Variants in MAPK4 observed in about 807,000 individuals in gnomAD.
MAPK4 encodes Erk3-related.
MAPK4 carries 22 observed loss-of-function variants against 47.7 expected under a neutral mutation model. The ratio of observed to expected loss-of-function variants is 0.46; its 90% confidence interval spans 0.33 to 0.66. The LOEUF (loss-of-function observed/expected upper bound fraction) is 0.66, where lower values mean the gene tolerates loss of function less well. MAPK4 is among the 30% of genes least tolerant of loss of function. The pLI, the probability that MAPK4 is intolerant of heterozygous loss-of-function variation, is 0.02. For missense variants in MAPK4, 736 were observed against 831.7 expected (o/e 0.88, Z 1.42); for synonymous variants, 390 against 365.7 (o/e 1.07, Z -0.76).
chr18:50,633,699 G>A (rs966453457), intron 1 of MAPK4, among the ~76,000 whole-genome samples: 2 of 152,146 alleles, frequency 1.3e-5, no homozygotes, highest in African/African-American at 2.4e-5. Context: ...CTAAACTCCC[G>A]AAATCTTACT....
chr18:50,648,386 G>T (rs1242633067), intron 1 of MAPK4, among the ~76,000 whole-genome samples: 1 of 152,158 alleles, frequency 6.6e-6, no homozygotes, highest in African/African-American at 2.4e-5. Context: ...AGGCATGACC[G>T]TGGGGGCTGT....
intron 2 of MAPK4, among the ~76,000 whole-genome samples, chr18:50,668,718 G>T (rs1001904797): frequency 5.3e-5 from 8 of 152,182 alleles, no homozygotes; most frequent in African/African-American, 1.9e-4. Context: ...TGCTCATGTA[G>T]TTTATCCCTA....
intron 1 of MAPK4, among the ~76,000 whole-genome samples, chr18:50,582,447 T>C (rs1464086626): frequency 1.3e-5 from 2 of 152,192 alleles, no homozygotes; most frequent in Non-Finnish European, 2.9e-5. Context: ...ATCACAGAGA[T>C]GTTATGGTTG....
At chr18:50,581,793 G>A (rs1203218823) in intron 1 of MAPK4, among the ~76,000 whole-genome samples, 2 of 152,238 alleles carry the variant, frequency 1.3e-5, no homozygotes, top group African/African-American at 4.8e-5. Context: ...ACAGTTACTG[G>A]GATACGTGAC....
Position 50,620,551 on chromosome 18 carries a change from G to A in MAPK4, c.-870-42538G>A, listed in dbSNP as rs551136931. Among the ~76,000 whole-genome samples the A allele has an allele frequency of 9.9e-5, 15 of 152,278 alleles. No individual in the cohort carries two copies. In the South Asian group the frequency reaches 2.1e-3, roughly 21 times the overall value. ...TTTCTGCTTATACTCACCCAGGGAT[G>A]GGAGTGTTGCCAGACAGTTAAATAT... On this transcript the variant is annotated intron_variant, in intron 1 of 5. Coordinates refer to ENST00000400384, the MANE Select transcript of MAPK4 (RefSeq NM_002747.4).
chr18:50,688,701 A>C (rs1909026043), intron 2 of MAPK4, among the ~76,000 whole-genome samples: 1 of 152,128 alleles, frequency 6.6e-6, no homozygotes, highest in African/African-American at 2.4e-5. Context: ...ATGCAAAGGC[A>C]TAAGAATGAT....
At chr18:50,684,975 C>T (rs1908793320) in intron 2 of MAPK4, among the ~76,000 whole-genome samples, 3 of 152,216 alleles carry the variant, frequency 2.0e-5, no homozygotes, top group Non-Finnish European at 4.4e-5. Context: ...ATCTCCTTCT[C>T]TTCTCACCCC....
intron 2 of MAPK4, among the ~76,000 whole-genome samples, chr18:50,710,162 G>T (rs892423867): frequency 2.0e-5 from 3 of 152,100 alleles, no homozygotes; most frequent in African/African-American, 7.2e-5. Flanking sequence ...TTTTATTCTT[G>T]GAGAATGTCA....
intron 1 of MAPK4, among the ~76,000 whole-genome samples, chr18:50,651,429 A>G (rs1286859971): frequency 6.6e-6 from 1 of 152,140 alleles, no homozygotes; most frequent in African/African-American, 2.4e-5. Flanking sequence ...GGAATGCGCT[A>G]TGGGCCTGCA....
Position 50,726,298 on chromosome 18 carries a change from C to T in MAPK4, c.1067+123C>T, listed in dbSNP as rs1911196619. 3 of 874,678 alleles carry T rather than the reference C, an allele frequency of 3.4e-6. No homozygotes were observed. The South Asian group carries it at 4.7e-5, about 14-fold the overall frequency. The allele number at this position is 874,678 out of a possible 1,614,324, so 54.2% of individuals were successfully genotyped here. A position where few individuals can be genotyped will look rare whatever the true frequency, so the allele number is the denominator to read the frequency against. The stretch of plus-strand genomic sequence containing the variant: ...TGCATAGCTCATTGGACGACTTCTC[C>T]AGCTTAGCTTCCTGCCTTTCTCTTG... On this transcript the variant is annotated intron_variant, in intron 5 of 5. Coordinates refer to ENST00000400384, the MANE Select transcript of MAPK4 (RefSeq NM_002747.4).
intron 1 of MAPK4, among the ~76,000 whole-genome samples, chr18:50,563,741 C>A (rs182438916): frequency 6.6e-6 from 1 of 152,162 alleles, no homozygotes; most frequent in Non-Finnish European, 1.5e-5. Context: ...TTGCCCATTT[C>A]GTCACTCCTT....
At chr18:50,679,447 A>G (rs1430569326) in intron 2 of MAPK4, among the ~76,000 whole-genome samples, 1 of 152,098 alleles carries the variant, frequency 6.6e-6, no homozygotes, top group East Asian at 1.9e-4. Context: ...ATTCACAATA[A>G]TGCACCCTAG....
Position 50,657,461 on chromosome 18 carries a change from G to A in MAPK4, c.-870-5628G>A, listed in dbSNP as rs183659581. On this transcript the variant is annotated intron_variant, in intron 1 of 5. Transcript: ENST00000400384. The stretch of plus-strand genomic sequence containing the variant: ...AGAGAGAACTGCAGAAGCTGAGGCC[G>A]GAGTCATTGTGTAATCACCTGAGTG... Among the ~76,000 whole-genome samples, 8 of 152,228 alleles carry A rather than the reference G, an allele frequency of 5.3e-5. No individual in the cohort carries two copies. In the South Asian group the frequency reaches 1.0e-3, roughly 20 times the overall value.
At chr18:50,698,494 C>A (rs1909621089) in intron 2 of MAPK4, among the ~76,000 whole-genome samples, 1 of 152,094 alleles carries the variant, frequency 6.6e-6, no homozygotes, top group Non-Finnish European at 1.5e-5. Context: ...GCAGTCACTA[C>A]TAAAATTGAA....
intron 1 of MAPK4, among the ~76,000 whole-genome samples, chr18:50,652,358 C>G (rs1360570140): frequency 1.3e-5 from 2 of 152,190 alleles, no homozygotes; most frequent in African/African-American, 2.4e-5. Flanking sequence ...AAATGATTAG[C>G]CTCCCCGGGA....
intron 2 of MAPK4, among the ~76,000 whole-genome samples, chr18:50,704,129 G>A (rs1386086578): frequency 6.6e-6 from 1 of 151,978 alleles, no homozygotes; most frequent in African/African-American, 2.4e-5. Flanking sequence ...TCCCTCCCAC[G>A]CCATCTGTAT....
intron 2 of MAPK4, among the ~76,000 whole-genome samples, chr18:50,679,613 T>G (rs1484800828): frequency 1.3e-5 from 2 of 151,932 alleles, no homozygotes; most frequent in East Asian, 3.9e-4. Flanking sequence ...GAGACAGAGC[T>G]GGGACAAGAT....
intron 1 of MAPK4, among the ~76,000 whole-genome samples, chr18:50,590,356 A>G (rs2042426395): frequency 1.3e-5 from 2 of 152,190 alleles, no homozygotes; most frequent in African/African-American, 4.8e-5. Flanking sequence ...TTTTTACCCA[A>G]CCCCGATAGT....
At chr18:50,650,961 G>T (rs1019209351) in intron 1 of MAPK4, among the ~76,000 whole-genome samples, 1 of 152,234 alleles carries the variant, frequency 6.6e-6, no homozygotes. Context: ...CCAGGCCCAA[G>T]AAATGCCAAA....
Sources: allele counts gnomAD v4.1 joint callset (sites outside exome capture counted in the v4.1 genomes callset), GRCh38; gene constraint gnomAD v4.1.1; transcripts MANE v1.5; gene names NCBI Gene and HGNC (gene_info 2026-07-23, HGNC 2026-07-21).